ASIC2: variants seen among roughly 807,000 people sequenced by gnomAD.
ASIC2 encodes acid sensing ion channel subunit 2, also known as acid-sensing ion channel 2.
Under a neutral mutation model 57.3 loss-of-function variants are expected in ASIC2, and 25 were observed. The observed-to-expected ratio is 0.44, with a 90% CI of 0.32 to 0.61. ASIC2 has a LOEUF of 0.61. Ranked by LOEUF, ASIC2 falls within the 20% of genes least tolerant of loss-of-function variation. ASIC2 has a pLI of 0.06. For synonymous variants in ASIC2, 319 were observed against 307.5 expected, an observed-to-expected ratio of 1.04 and a Z score of -0.39; for missense variants, 641 against 738.1, an observed-to-expected ratio of 0.87 and a Z score of 1.52.
chr17:34,099,771 AAAGAAAGAAAG>A (rs1598025652), intron 1 of ASIC2, among the ~76,000 whole-genome samples: 2 of 43,164 alleles, frequency 4.6e-5, no homozygotes, highest in East Asian at 1.1e-3. Flanking sequence ...AGAAAGAAAG[AAAGAAAGAAAG>A]AAAGAAAGAA....
intron 1 of ASIC2, among the ~76,000 whole-genome samples, chr17:33,500,723 T>C (rs1914076331): frequency 6.6e-6 from 1 of 152,244 alleles, no homozygotes; most frequent in Non-Finnish European, 1.5e-5. Context: ...AAAACACCTT[T>C]ATCCCAGAGT....
chr17:33,381,509 G>T (rs917743273), intron 1 of ASIC2, among the ~76,000 whole-genome samples: 2 of 152,246 alleles, frequency 1.3e-5, no homozygotes, highest in African/African-American at 4.8e-5. Flanking sequence ...GGAGGATAGG[G>T]AAAATGCTGG....
chr17:33,264,887 T>C (rs1909408640), intron 1 of ASIC2, among the ~76,000 whole-genome samples: 1 of 152,216 alleles, frequency 6.6e-6, no homozygotes, highest in Non-Finnish European at 1.5e-5. Flanking sequence ...CAGAACCACA[T>C]GTGTTGGGGG....
At chr17:34,082,442 G>C (rs1237808161) in intron 1 of ASIC2, among the ~76,000 whole-genome samples, 1 of 151,868 alleles carries the variant, frequency 6.6e-6, no homozygotes, top group Non-Finnish European at 1.5e-5. Flanking sequence ...AGTTACAAAG[G>C]GAAAAAAATC....
chr17:33,201,199 A>G (rs1906845207), intron 1 of ASIC2, among the ~76,000 whole-genome samples: 1 of 152,132 alleles, frequency 6.6e-6, no homozygotes, highest in Non-Finnish European at 1.5e-5. Context: ...CAGTGAGGAC[A>G]TGGATTTTGA....
At position 33,305,412 on chromosome 17, in the gene ASIC2, G is replaced by C. The variant is rs4795766; in HGVS notation, c.556-193345C>G. Among the ~76,000 whole-genome samples the C allele has an allele frequency of 1.1e-3, 160 of 152,196 alleles. 1 individual carries two copies. The highest frequency in any genetic ancestry group is 3.8e-3 in the African/African-American group (156 of 41,518). ...TATGCACGATCATGATAACATGCTT[G>C]GTTATTTGTTTTTCACACTTTCAGC... On this transcript the variant is annotated intron_variant, in intron 1 of 9. Transcript: ENST00000359872.
At chr17:34,093,891 C>A (rs1310146872) in intron 1 of ASIC2, among the ~76,000 whole-genome samples, 1 of 152,134 alleles carries the variant, frequency 6.6e-6, no homozygotes, top group Non-Finnish European at 1.5e-5. Flanking sequence ...GAACTACTTT[C>A]CATTAGTTGG....
chr17:33,627,899 G>A (rs916279848), intron 1 of ASIC2, among the ~76,000 whole-genome samples: 8 of 151,780 alleles, frequency 5.3e-5, no homozygotes, highest in African/African-American at 1.9e-4. Flanking sequence ...GGCCTCCTCC[G>A]GGCATCTGTA....
chr17:33,411,353 C>T (rs1359635780), intron 1 of ASIC2, among the ~76,000 whole-genome samples: 3 of 152,194 alleles, frequency 2.0e-5, no homozygotes, highest in East Asian at 3.8e-4. Flanking sequence ...AAGAGCTTCT[C>T]CATTTGTGAA....
chr17:34,136,090 A>G (rs1453764524), intron 1 of ASIC2, among the ~76,000 whole-genome samples: 1 of 152,098 alleles, frequency 6.6e-6, no homozygotes, highest in Admixed American at 6.5e-5. Flanking sequence ...CCTCCTTTGG[A>G]GTCTAGGCAC....
intron 1 of ASIC2, among the ~76,000 whole-genome samples, chr17:34,122,321 C>G (rs2887318): frequency 0.71 from 108,064 of 152,054 alleles, 38,652 homozygotes; most frequent in Middle Eastern, 0.8. Flanking sequence ...CACAAGGGAG[C>G]GAGGGTCCAG....
intron 1 of ASIC2, among the ~76,000 whole-genome samples, chr17:33,519,567 G>A (rs1914680331): frequency 6.6e-6 from 1 of 152,138 alleles, no homozygotes; most frequent in Non-Finnish European, 1.5e-5. Flanking sequence ...GAGTCCAGGA[G>A]TCTCCATGTT....
At chr17:34,057,178 CAT>C (rs146618324) in intron 1 of ASIC2, among the ~76,000 whole-genome samples, 28,051 of 152,070 alleles carry the variant, frequency 0.18, 3,303 homozygotes, top group African/African-American at 0.33. Context: ...TCTATTTACA[CAT>C]AGAGACATGT....
At chr17:33,171,469 C>T (rs1246556608) in intron 1 of ASIC2, among the ~76,000 whole-genome samples, 1 of 152,202 alleles carries the variant, frequency 6.6e-6, no homozygotes, top group Admixed American at 6.5e-5. Context: ...CAACACTCCC[C>T]CATCCAACAC....
chr17:33,251,245 A>T (rs1908870762), intron 1 of ASIC2, among the ~76,000 whole-genome samples: 1 of 152,236 alleles, frequency 6.6e-6, no homozygotes, highest in Admixed American at 6.5e-5. Context: ...CCACAAAATT[A>T]AGACACATGT....
chr17:33,410,684 C>T (rs1473688676), intron 1 of ASIC2, among the ~76,000 whole-genome samples: 2 of 152,194 alleles, frequency 1.3e-5, no homozygotes, highest in Non-Finnish European at 2.9e-5. Flanking sequence ...GTCTTGGACT[C>T]TTGTATTCGT....
chr17:34,031,624 G>A (rs1466151225), intron 1 of ASIC2, among the ~76,000 whole-genome samples: 1 of 152,116 alleles, frequency 6.6e-6, no homozygotes, highest in African/African-American at 2.4e-5. Context: ...AAAAAAATTA[G>A]ACAAATGGAT....
At chr17:33,022,775 T>C (rs145929506) in intron 6 of ASIC2, among the ~76,000 whole-genome samples, 3 of 152,154 alleles carry the variant, frequency 2.0e-5, no homozygotes, top group Admixed American at 2.0e-4. Context: ...GGGCTTTCAG[T>C]CTAGTGGGGC....
intron 1 of ASIC2, among the ~76,000 whole-genome samples, chr17:34,009,411 A>G (rs1906638546): frequency 2.0e-5 from 3 of 152,240 alleles, no homozygotes; most frequent in Non-Finnish European, 4.4e-5. Context: ...AATGTAAAAT[A>G]CTTATCAGAG....
Sources: allele counts gnomAD v4.1 joint callset (sites outside exome capture counted in the v4.1 genomes callset), GRCh38; gene constraint gnomAD v4.1.1; transcripts MANE v1.5; gene names NCBI Gene and HGNC (gene_info 2026-07-23, HGNC 2026-07-21).